Variants in RIPK1 observed in about 807,000 individuals in gnomAD.
The protein encoded by RIPK1 is receptor interacting serine/threonine kinase 1.
A neutral mutation model predicts 62.4 loss-of-function variants in RIPK1; 27 were observed. The observed-to-expected ratio is 0.43, with a 90% CI of 0.32 to 0.60. The LOEUF is 0.60. Among genes scored for constraint, RIPK1 ranks in the 20% least tolerant of loss-of-function variants. The pLI, the probability that RIPK1 is intolerant of heterozygous loss-of-function variation, is 0.07. For synonymous variants in RIPK1, 287 were observed against 303.2 expected (o/e 0.95, Z 0.55); for missense variants, 735 against 831.0 (o/e 0.88, Z 1.42).
chr6:3,078,069 T>A (rs1158415173), intron 3 of RIPK1, 134 bp downstream of exon 3: 9 of 842,630 alleles, frequency 1.1e-5, no homozygotes. Flanking sequence ...AATTTTCTTT[T>A]CCTTTTTTTA....
chr6:3,072,091 G>C lies in RIPK1; in HGVS notation c.-61+3430G>C, dbSNP rs898777054. Among the ~76,000 whole-genome samples the C allele has an allele frequency of 1.3e-5, 2 of 152,188 alleles. No individual in the cohort carries two copies. Among genetic ancestry groups the C allele is most frequent in the Non-Finnish European group, 2.9e-5 (2 of 68,038 alleles). On this transcript the variant is annotated intron_variant, in intron 1 of 10. Transcript: ENST00000259808. The surrounding 1 kb of genome is among the most constrained non-coding windows in gnomAD (Gnocchi z 5.6). ...TGATTCTCTCCTCTGTACATGCTAA[G>C]TGTTTTACCTACTTTTGCTGTTCTA...
At chr6:3,088,896 T>A (rs9503393) in intron 6 of RIPK1, 12,614 of 152,244 alleles carry the variant, frequency 0.083, 1,263 homozygotes, top group African/African-American at 0.24. Flanking sequence ...GATTTTTTTT[T>A]ATCTGTGGCT....
Position 3,074,100 on chromosome 6 carries a change from C to T in RIPK1, c.-60-2664C>T, listed in dbSNP as rs149135053. ...CCTGCTGTTGTTGGGAGTACATCTG[C>T]TGAGTATGGGCAGATGCGTATGCCT... On this transcript the variant is annotated intron_variant, in intron 1 of 10. Coordinates refer to ENST00000259808, the MANE Select transcript of RIPK1 (RefSeq NM_001354930.2). 1.9e-3 allele frequency among the ~76,000 whole-genome samples: 282 copies of T among 152,322 alleles called. 1 individual carries two copies. Among genetic ancestry groups the T allele is most frequent in the African/African-American group, 6.6e-3 (273 of 41,566 alleles).
rs920832142 is a variant in RIPK1 at position 3,072,809 on chromosome 6, C to T, written c.-60-3955C>T. Among the ~76,000 whole-genome samples, 2 of 152,128 alleles carry T rather than the reference C, an allele frequency of 1.3e-5. No homozygotes were observed. On this transcript the variant is annotated intron_variant, in intron 1 of 10. Transcript: ENST00000259808. The surrounding 1 kb of genome is among the most constrained non-coding windows in gnomAD (Gnocchi z 5.6). The stretch of plus-strand genomic sequence containing the variant: ...GCCTAAGAGGGTGGGGCGGATGACC[C>T]TTATGGAATGGGGAAGGCTTCACAG...
At chr6:3,084,453 G>A (rs1759581172) in intron 5 of RIPK1, among the ~76,000 whole-genome samples, 1 of 81,450 alleles carries the variant, frequency 1.2e-5, no homozygotes, top group Admixed American at 1.4e-4. Flanking sequence ...CTAGTCTGTT[G>A]ATATCCTGCT....
chr6:3,090,373 C>T (rs766027153), intron 7 of RIPK1, among the ~76,000 whole-genome samples: 9 of 151,832 alleles, frequency 5.9e-5, no homozygotes, highest in African/African-American at 9.7e-5. Flanking sequence ...CAGGAGACTA[C>T]GACAAATAAA....
At chr6:3,111,150 T>C (rs182871396) in intron 10 of RIPK1, among the ~76,000 whole-genome samples, 195 bp downstream of exon 10, 64 of 150,162 alleles carry the variant, frequency 4.3e-4, no homozygotes, top group Non-Finnish European at 6.3e-4. Context: ...ATAATCACAG[T>C]ATTTAATTTA....
At chr6:3,112,971 C>A in intron 10 of RIPK1, 82 bp from the exon 11 acceptor site, 1 of 1,216,450 alleles carries the variant, frequency 8.2e-7, no homozygotes, top group Non-Finnish European at 1.1e-6. Flanking sequence ...CTTCATTTCA[C>A]TTGGGTTTTT....
At chr6:3,098,541 A>G (rs1760431420) in intron 7 of RIPK1, among the ~76,000 whole-genome samples, 1 of 152,236 alleles carries the variant, frequency 6.6e-6, no homozygotes. Context: ...AAAGCTGTCT[A>G]TTCTCCCCAA....
At chr6:3,109,532 T>C (rs181486304) in intron 9 of RIPK1, among the ~76,000 whole-genome samples, 13 of 152,292 alleles carry the variant, frequency 8.5e-5, no homozygotes, top group African/African-American at 3.1e-4. Flanking sequence ...CCTTCACAGA[T>C]GCTGTTCAGA....
At position 3,105,467 on chromosome 6, in the gene RIPK1, A is replaced by T; in HGVS notation, c.1007-15A>T. 1.3e-6 allele frequency: 2 copies of T among 1,516,188 alleles called. No homozygotes were observed. The highest frequency in any genetic ancestry group is 1.8e-6 in the Non-Finnish European group (2 of 1,131,502). 93.9% of individuals were successfully genotyped at this position (1,516,188 alleles called of 1,614,324 possible). ...TTTCATGACACCCATTCTAATGTTG[A>T]TCATTTCTTCTCAGCCACAGAACAG... is the stretch of plus-strand genomic sequence containing the variant. On this transcript the variant is annotated splice_polypyrimidine_tract_variant and intron_variant, in intron 8 of 10. Transcript: ENST00000259808. This position sits in a 1 kb window ranked among gnomAD's most constrained non-coding sequence, Gnocchi z 4.5.
intron 9 of RIPK1, among the ~76,000 whole-genome samples, chr6:3,107,032 CTT>C (rs1554117207): frequency 6.6e-6 from 1 of 152,094 alleles, no homozygotes; most frequent in Non-Finnish European, 1.5e-5. Context: ...GAGTGGATCA[CTT>C]GAGGCCAGGA....
chr6:3,094,584 TA>T (rs1212964890), intron 7 of RIPK1, among the ~76,000 whole-genome samples: 1 of 144,682 alleles, frequency 6.9e-6, no homozygotes, highest in Non-Finnish European at 1.5e-5. Context: ...ATATTTCATA[TA>T]TATATATATA....
intron 3 of RIPK1, among the ~76,000 whole-genome samples, chr6:3,078,535 C>T (rs367624826): frequency 2.0e-5 from 3 of 152,160 alleles, no homozygotes; most frequent in African/African-American, 7.2e-5. Context: ...GAGACAAGCC[C>T]TGTCTTCATG....
In RIPK1 at chr6:3,076,787, A is replaced by G. The variant is rs755098134; in HGVS notation, c.-37A>G. 6.9e-6 allele frequency: 11 copies of G among 1,598,950 alleles called. No homozygotes were observed. In the Admixed American group the frequency reaches 1.2e-4, roughly 17 times the overall value. Reference sequence around the variant, plus strand: ...AGGGTACAGCTCTGCCGGGGGGGGAAAAAGTGGTACCATTTTGGGCGTTCT... The same window carrying G: ...AGGGTACAGCTCTGCCGGGGGGGGAGAAAGTGGTACCATTTTGGGCGTTCT... On this transcript the variant is annotated 5_prime_UTR_variant, in exon 2 of 11. Transcript: ENST00000259808.
intron 3 of RIPK1, among the ~76,000 whole-genome samples, chr6:3,080,417 A>G (rs1438954581): frequency 6.6e-6 from 1 of 152,228 alleles, no homozygotes; most frequent in Non-Finnish European, 1.5e-5. Flanking sequence ...CATCAAATAG[A>G]TATTAATTCA....
intron 4 of RIPK1, 101 bp from the exon 5 acceptor site, chr6:3,082,984 A>T: frequency 1.8e-6 from 2 of 1,128,786 alleles, no homozygotes; most frequent in Non-Finnish European, 2.6e-6. Context: ...TGGAAAATTT[A>T]CCGTACCTTA....
At chr6:3,102,493 T>C (rs1760630722) in intron 7 of RIPK1, among the ~76,000 whole-genome samples, 1 of 152,168 alleles carries the variant, frequency 6.6e-6, no homozygotes. Flanking sequence ...CCCAAGCATT[T>C]TGGATAAGGG....
At chr6:3,106,096 T>G (rs1429468508) in intron 9 of RIPK1, 45 bp downstream of exon 9, 1 of 1,390,228 alleles carries the variant, frequency 7.2e-7, no homozygotes, top group Admixed American at 2.0e-5. Flanking sequence ...TTTTTATTTT[T>G]CAGAAAATAC....
Sources: allele counts gnomAD v4.1 joint callset (sites outside exome capture counted in the v4.1 genomes callset), GRCh38; gene constraint gnomAD v4.1.1; non-coding constraint Gnocchi (gnomAD v3.1); transcripts MANE v1.5; gene names NCBI Gene and HGNC (gene_info 2026-07-23, HGNC 2026-07-21).